HECW1: variants seen among roughly 807,000 people sequenced by gnomAD.
The protein encoded by HECW1 is HECT, C2 and WW domain containing E3 ubiquitin protein ligase 1.
HECW1 carries 61 observed loss-of-function variants against 182.3 expected under a neutral mutation model. That is an observed-to-expected ratio of 0.33 (90% CI 0.27 to 0.41). HECW1 has a LOEUF of 0.41. Among genes scored for constraint, HECW1 ranks in the 10% least tolerant of loss-of-function variants. The pLI, the probability that HECW1 is intolerant of heterozygous loss-of-function variation, is 1.00. For synonymous variants in HECW1, 859 were observed against 832.6 expected, an observed-to-expected ratio of 1.03 and a Z score of -0.55; for missense variants, 1,739 against 2,108.9, an observed-to-expected ratio of 0.82 and a Z score of 3.44.
At chr7:43,545,716 A>G (rs975434511) in intron 26 of HECW1, among the ~76,000 whole-genome samples, 2 of 152,150 alleles carry the variant, frequency 1.3e-5, no homozygotes, top group African/African-American at 4.8e-5. Flanking sequence ...AAGAGAAAAT[A>G]TATTTTCTAT....
At chr7:43,159,676 A>G (rs1447185242) in intron 2 of HECW1, among the ~76,000 whole-genome samples, 1 of 138,092 alleles carries the variant, frequency 7.2e-6, no homozygotes, top group East Asian at 2.1e-4. Flanking sequence ...ATTTCCTTGT[A>G]TCTTTTTTTT....
intron 2 of HECW1, among the ~76,000 whole-genome samples, chr7:43,131,411 C>A (rs967426182): frequency 4.6e-5 from 7 of 152,308 alleles, no homozygotes; most frequent in African/African-American, 1.7e-4. Flanking sequence ...ACCAACCCTG[C>A]ATTTTCAGCC....
At chr7:43,175,195 C>T (rs1452343298) in intron 2 of HECW1, among the ~76,000 whole-genome samples, 1 of 152,012 alleles carries the variant, frequency 6.6e-6, no homozygotes. Context: ...CATACACACA[C>T]ACACGCAGTG....
rs753456871 is a variant in HECW1, at chr7:43,565,026, TAAGAG to T, written c.*3105_*3109del. The T allele has an allele frequency of 5.3e-6, 1 of 189,090 alleles. No homozygotes were observed. Among genetic ancestry groups the T allele is most frequent in the East Asian group, 8.5e-5 (1 of 11,822 alleles). The allele number at this position is 189,090 out of a possible 1,614,324, so 11.7% of individuals were successfully genotyped here. A position where few individuals can be genotyped will look rare whatever the true frequency, so the allele number is the denominator to read the frequency against. ...TCAGGGGACAAACAAGAACAATAAA[TAAGAG>T]AAGATTTATGTTACAACTTTGAAAA... On this transcript the variant is annotated 3_prime_UTR_variant, in exon 30 of 30. Transcript: ENST00000395891.
chr7:43,278,997 C>T (rs2152746361), intron 3 of HECW1, among the ~76,000 whole-genome samples: 1 of 152,316 alleles, frequency 6.6e-6, no homozygotes, highest in Middle Eastern at 3.4e-3. Flanking sequence ...CTAGCATAGT[C>T]CCTGGCTTAC....
At chr7:43,266,434 C>A (rs1360056542) in intron 3 of HECW1, among the ~76,000 whole-genome samples, 3 of 152,192 alleles carry the variant, frequency 2.0e-5, no homozygotes, top group African/African-American at 7.2e-5. Context: ...CTCCCGGGTT[C>A]AAGCAATTCT....
At chr7:43,270,045 T>A (rs570666985) in intron 3 of HECW1, among the ~76,000 whole-genome samples, 1 of 152,382 alleles carries the variant, frequency 6.6e-6, no homozygotes, top group Non-Finnish European at 1.5e-5. Flanking sequence ...GTAAGCCCTG[T>A]TACTAGAATA....
chr7:43,154,794 G>T (rs1226058585), intron 2 of HECW1, among the ~76,000 whole-genome samples: 1 of 152,144 alleles, frequency 6.6e-6, no homozygotes, highest in African/African-American at 2.4e-5. Flanking sequence ...ATGCATTTTT[G>T]CAGAGTGATG....
At chr7:43,452,852 A>T (rs1216549394) in intron 12 of HECW1, among the ~76,000 whole-genome samples, 2 of 152,180 alleles carry the variant, frequency 1.3e-5, no homozygotes, top group African/African-American at 4.8e-5. Context: ...TATCCCTGCA[A>T]GTGTTGGGCA....
At chr7:43,270,937 A>C (rs528356415) in intron 3 of HECW1, among the ~76,000 whole-genome samples, 1 of 152,278 alleles carries the variant, frequency 6.6e-6, no homozygotes, top group South Asian at 2.1e-4. Context: ...AAAACCATAA[A>C]ATTTCACTAA....
intron 5 of HECW1, among the ~76,000 whole-genome samples, chr7:43,350,805 C>T (rs188313727): frequency 5.3e-5 from 8 of 152,314 alleles, no homozygotes; most frequent in Admixed American, 1.3e-4. Context: ...CATTGGGCTT[C>T]GCCCTTCTGT....
chr7:43,216,202 GT>G (rs1796426261), intron 2 of HECW1, among the ~76,000 whole-genome samples: 1 of 152,106 alleles, frequency 6.6e-6, no homozygotes, highest in South Asian at 2.1e-4. Context: ...CTGGAGTGCA[GT>G]GGTGCAACCT....
chr7:43,206,390 T>C (rs753521020), intron 2 of HECW1, among the ~76,000 whole-genome samples: 2 of 152,196 alleles, frequency 1.3e-5, no homozygotes, highest in Non-Finnish European at 2.9e-5. Flanking sequence ...CAAAAAGGTC[T>C]ACCGTGCTTT....
chr7:43,154,856 T>G (rs1789710630), intron 2 of HECW1, among the ~76,000 whole-genome samples: 2 of 152,226 alleles, frequency 1.3e-5, no homozygotes, highest in African/African-American at 2.4e-5. Flanking sequence ...AGGCATTATC[T>G]TTTTGTTTTA....
chr7:43,312,214 G>A (rs1808621778), intron 4 of HECW1, 127 bp downstream of exon 4: 9 of 849,124 alleles, frequency 1.1e-5, no homozygotes, highest in Non-Finnish European at 1.3e-5. Context: ...CTAACACACT[G>A]AAGACCACTG....
At chr7:43,405,121 G>A (rs188519685) in intron 7 of HECW1, among the ~76,000 whole-genome samples, 23 of 152,216 alleles carry the variant, frequency 1.5e-4, no homozygotes, top group Admixed American at 1.1e-3. Context: ...TCTACCTTGC[G>A]GAGTTTGTGT....
chr7:43,393,333 T>A (rs1461821397), intron 6 of HECW1, among the ~76,000 whole-genome samples: 1 of 152,176 alleles, frequency 6.6e-6, no homozygotes, highest in African/African-American at 2.4e-5. Context: ...GTGAAACTAT[T>A]TGGGCTGAGT....
Position 43,320,508 on chromosome 7 carries a change from G to C in HECW1, c.353-127G>C, listed in dbSNP as rs1253182451. 16 of 662,420 alleles carry C rather than the reference G, an allele frequency of 2.4e-5. No individual in the cohort carries two copies. The East Asian group carries it at 4.5e-4, about 18-fold the overall frequency. 41.0% of individuals were successfully genotyped at this position (662,420 alleles called of 1,614,324 possible). A position where few individuals can be genotyped will look rare whatever the true frequency, so the allele number is the denominator to read the frequency against. On this transcript the variant is annotated intron_variant, in intron 4 of 29. Coordinates refer to ENST00000395891, the MANE Select transcript of HECW1 (RefSeq NM_015052.5). ...GTGCTTCCTGCTCTCTGATTCTCTG[G>C]TTCCAGGTGCTTTTTCTTCTGTTGA...
At chr7:43,293,233 A>G (rs1332011998) in intron 3 of HECW1, among the ~76,000 whole-genome samples, 1 of 150,820 alleles carries the variant, frequency 6.6e-6, no homozygotes, top group Non-Finnish European at 1.5e-5. Context: ...AAAAAAAAAA[A>G]AAAGAAAAGA....
Sources: gnomAD v4.1 joint callset for allele counts (sites outside exome capture counted in the v4.1 genomes callset) on GRCh38, gnomAD v4.1.1 for gene constraint, MANE v1.5 for transcripts, NCBI Gene and HGNC (gene_info 2026-07-23, HGNC 2026-07-21) for gene names.